Variants in PCDHA3 observed in about 807,000 individuals in gnomAD.
The protein encoded by PCDHA3 is protocadherin alpha 3.
In PCDHA3, 41 loss-of-function variants were observed where a neutral mutation model predicts 62.2. That is an observed-to-expected ratio of 0.66 (90% CI 0.51 to 0.86). The LOEUF is 0.86. PCDHA3 is among the 40% of genes least tolerant of loss of function. The pLI is 0.00. For missense variants in PCDHA3, 1,304 were observed against 1,241.2 expected (o/e 1.05, Z -0.76); for synonymous variants, 640 against 555.4 (o/e 1.15, Z -2.14).
At chr5:140,864,945 C>G (rs2048665503) in intron 1 of PCDHA3, 1 of 152,120 alleles carries the variant, frequency 6.6e-6, no homozygotes, top group Non-Finnish European at 1.5e-5. Flanking sequence ...GGCCTGTAAT[C>G]CCAGCATTTT....
At chr5:140,986,458 A>G (rs1199378141) in intron 3 of PCDHA3, among the ~76,000 whole-genome samples, 1 of 152,166 alleles carries the variant, frequency 6.6e-6, no homozygotes, top group Admixed American at 6.5e-5. Flanking sequence ...GTTTTAATGA[A>G]TGCCCTCTTG....
chr5:140,877,572 C>T (rs2057210526), intron 1 of PCDHA3: 6 of 1,613,784 alleles, frequency 3.7e-6, no homozygotes, highest in Non-Finnish European at 4.2e-6. Flanking sequence ...ACGTGTACCT[C>T]ATCATCGCCA....
intron 1 of PCDHA3, chr5:140,865,831 C>T (rs1554159632): frequency 6.6e-6 from 1 of 152,124 alleles, no homozygotes. Context: ...GTAGAGCTTT[C>T]TTTAGTAAGT....
chr5:140,933,677 T>C (rs1024721491), intron 1 of PCDHA3, among the ~76,000 whole-genome samples: 1 of 151,826 alleles, frequency 6.6e-6, no homozygotes, highest in Non-Finnish European at 1.5e-5. Flanking sequence ...CTCTCTCACA[T>C]TTTTTTTCCT....
intron 1 of PCDHA3, among the ~76,000 whole-genome samples, chr5:140,838,485 T>G (rs1233460301): frequency 1.3e-5 from 2 of 151,892 alleles, no homozygotes; most frequent in Non-Finnish European, 2.9e-5. Flanking sequence ...TGTTTTTGAT[T>G]ATTTGCTTTC....
chr5:140,802,350 G>A lies in PCDHA3; in HGVS notation c.1153G>A (p.Val385Ile), dbSNP rs1175732642. The change falls in exon 1 of 4, where the codon GTC (valine) becomes ATC (isoleucine). Residue 385 changes from valine (V) to isoleucine (I), a missense_variant. Val to Ile is a conservative substitution (Grantham distance 29, BLOSUM62 3). Coordinates refer to ENST00000522353, the MANE Select transcript of PCDHA3 (RefSeq NM_018906.3). ...CCGCGACTCAGGAGTCAATGGACAG[G>A]TCACCTGCTCGCTGACGCCCCACGT... ...SDRDSGVNGQVTCSLTPHVPF... is the reference protein window; with the variant it reads ...SDRDSGVNGQITCSLTPHVPF... 3 of 1,614,250 alleles carry A rather than the reference G, an allele frequency of 1.9e-6. No homozygotes were observed. Among genetic ancestry groups the A allele is most frequent in the Non-Finnish European group, 2.5e-6 (3 of 1,180,046 alleles).
At chr5:140,840,103 A>T (rs1298281251) in intron 1 of PCDHA3, among the ~76,000 whole-genome samples, 2 of 152,168 alleles carry the variant, frequency 1.3e-5, no homozygotes, top group East Asian at 1.9e-4. Flanking sequence ...ATTTTAGTGA[A>T]ATCGAGTGAA....
At chr5:140,853,047 T>C in intron 1 of PCDHA3, 1 of 270,060 alleles carries the variant, frequency 3.7e-6, no homozygotes, top group Non-Finnish European at 5.9e-6. Context: ...CCCGCCTAAT[T>C]TTTTTGTATT....
chr5:140,850,612 C>T (rs1411031639), intron 1 of PCDHA3: 8 of 1,598,454 alleles, frequency 5.0e-6, no homozygotes, highest in Non-Finnish European at 6.8e-6. Context: ...GCCATCTGCG[C>T]GGTGTCTAGC....
rs2150170634 is a variant in PCDHA3 at position 140,829,586 on chromosome 5, G to A, written c.2394+25995G>A. ...GTCCTACTCGCTGGTGGAGCGGCGG[G>A]TGGGCGAGCGCGCGTTGTCGAGCTA... On this transcript the variant is annotated intron_variant, in intron 1 of 3. Coordinates refer to ENST00000522353, the MANE Select transcript of PCDHA3 (RefSeq NM_018906.3). 10 of 1,612,232 alleles carry A rather than the reference G, an allele frequency of 6.2e-6. No individual in the cohort carries two copies. Among genetic ancestry groups the A allele is most frequent in the Non-Finnish European group, 7.6e-6 (9 of 1,179,786 alleles).
intron 1 of PCDHA3, chr5:140,812,638 G>A (rs1554126027): frequency 6.6e-6 from 1 of 151,730 alleles, no homozygotes; most frequent in Non-Finnish European, 1.5e-5. Context: ...TTGTTTTCAT[G>A]TTTAAGAGAC....
rs17119334 is a variant in PCDHA3, at chr5:140,988,093, G to A, written c.2542+5530G>A. On this transcript the variant is annotated intron_variant, in intron 3 of 3. Coordinates refer to ENST00000522353, the MANE Select transcript of PCDHA3 (RefSeq NM_018906.3). ...CTATTTCATGAGTGAGTGCAGCCTCGGGCCTTGTTGGAGAATTTAGAAAGC... is the reference window on the plus strand; with the variant it reads ...CTATTTCATGAGTGAGTGCAGCCTCAGGCCTTGTTGGAGAATTTAGAAAGC... Among the ~76,000 whole-genome samples the A allele has an allele frequency of 6.9e-3, 1,055 of 152,154 alleles. 47 individuals are homozygous for A. The East Asian group carries it at 0.14, about 21-fold the overall frequency.
rs782035990 is a variant in PCDHA3 at position 140,871,124 on chromosome 5, C to A, written c.2394+67533C>A. 142 of 1,613,206 alleles carry A rather than the reference C, an allele frequency of 8.8e-5. No individual in the cohort carries two copies. The highest frequency in any genetic ancestry group is 1.2e-4 in the Non-Finnish European group (138 of 1,179,888). Reference sequence around the variant, plus strand: ...GTGTCGTTGGTGGAGAGCGGACAGGCGCCAAAGGCCTCTTCCCGGACTTTG... The same window carrying A: ...GTGTCGTTGGTGGAGAGCGGACAGGAGCCAAAGGCCTCTTCCCGGACTTTG... On this transcript the variant is annotated intron_variant, in intron 1 of 3. Coordinates refer to ENST00000522353, the MANE Select transcript of PCDHA3 (RefSeq NM_018906.3).
chr5:140,862,656 C>T, intron 1 of PCDHA3: 1 of 545,296 alleles, frequency 1.8e-6, no homozygotes, highest in Admixed American at 1.9e-5. Flanking sequence ...CCGCGCGGGA[C>T]CGGGACGCGC....
chr5:140,854,123 CT>C (rs1554147020), intron 1 of PCDHA3: 1 of 348,562 alleles, frequency 2.9e-6, no homozygotes, highest in Non-Finnish European at 3.9e-6. Context: ...GATGGCACAA[CT>C]GCATTTCAGC....
intron 1 of PCDHA3, among the ~76,000 whole-genome samples, chr5:140,926,182 C>T (rs1041630365): frequency 2.6e-5 from 4 of 151,858 alleles, no homozygotes; most frequent in South Asian, 2.2e-4. Flanking sequence ...CGGAAAGCCC[C>T]CCGCAGCACT....
chr5:140,959,038 A>ATG (rs1387162159), intron 1 of PCDHA3, among the ~76,000 whole-genome samples: 2 of 151,994 alleles, frequency 1.3e-5, no homozygotes, highest in Non-Finnish European at 2.9e-5. Flanking sequence ...ATGGGTATGT[A>ATG]TGTATAGGAA....
intron 1 of PCDHA3, among the ~76,000 whole-genome samples, chr5:140,916,789 C>T (rs146305877): frequency 2.8e-4 from 42 of 152,168 alleles, no homozygotes; most frequent in Non-Finnish European, 4.7e-4. Context: ...TTAGCTGCCC[C>T]AGCTGATGAC....
intron 1 of PCDHA3, chr5:140,870,599 G>A: frequency 6.2e-7 from 1 of 1,613,396 alleles, no homozygotes; most frequent in South Asian, 1.1e-5. Flanking sequence ...CGGCGGTTGG[G>A]CGACCGCGCG....
Sources: allele counts gnomAD v4.1 joint callset (sites outside exome capture counted in the v4.1 genomes callset), GRCh38; gene constraint gnomAD v4.1.1; transcripts MANE v1.5; gene names NCBI Gene and HGNC (gene_info 2026-07-23, HGNC 2026-07-21).